Variants in POF1B observed in about 807,000 individuals in gnomAD.
POF1B encodes the protein POF1B actin binding protein.
Under a neutral mutation model 55.3 loss-of-function variants are expected in POF1B, and 53 were observed. That is an observed-to-expected ratio of 0.96 (90% CI 0.77 to 1.20). The LOEUF (loss-of-function observed/expected upper bound fraction) is 1.20, where lower values mean the gene tolerates loss of function less well. Among genes scored for constraint, POF1B ranks in the 50% most tolerant of loss-of-function variants. The pLI, the probability that POF1B is intolerant of heterozygous loss-of-function variation, is 0.00. For synonymous variants in POF1B, 188 were observed against 148.3 expected (o/e 1.27, Z -1.95); for missense variants, 478 against 420.5 (o/e 1.14, Z -1.20).
At chrX:85,350,720 A>G (rs1933365581) in intron 5 of POF1B, among the ~76,000 whole-genome samples, 1 of 111,247 alleles carries the variant, frequency 9.0e-6, no homozygotes, top group Admixed American at 9.6e-5. Context: ...TTATGCAGCC[A>G]AAAACACATG....
At position 85,302,473 on chromosome X, in the gene POF1B, G is replaced by A. The variant is rs756657924; in HGVS notation, c.1649+933C>T. Reference sequence around the variant, plus strand: ...ACGAGGATGGGGAGAAAGTGGAACCGTCATACACTACTAGGAATGTATGAT... The same window carrying A: ...ACGAGGATGGGGAGAAAGTGGAACCATCATACACTACTAGGAATGTATGAT... On this transcript the variant is annotated intron_variant, in intron 15 of 16. Transcript: ENST00000262753. 1.1e-4 allele frequency among the ~76,000 whole-genome samples: 12 copies of A among 111,224 alleles called. No individual in the cohort carries two copies. The South Asian group carries it at 1.1e-3, about 11-fold the overall frequency.
intron 6 of POF1B, among the ~76,000 whole-genome samples, chrX:85,332,159 AG>A (rs1168019086): frequency 8.9e-6 from 1 of 111,830 alleles, no homozygotes; most frequent in Non-Finnish European, 1.9e-5. Flanking sequence ...TCTAAGTGAA[AG>A]TCAGCCTGAT....
chrX:85,306,249 A>T lies in POF1B; in HGVS notation c.1249T>A (p.Tyr417Asn), dbSNP rs1313638600. ...SLRHTLSDME[Y>N]RLKELEYCKR... ...CAATATTCCAGTTCTTTTAGTCTGT[A>T]TTCCATGTCTGATAGTGTATGTCGA... Residue 417 changes from tyrosine (Y) to asparagine (N), a missense_variant, in exon 12 of 17, where the codon TAC becomes AAC. By Grantham distance (143) the Tyr-to-Asn change is moderately radical. Coordinates refer to ENST00000262753, the MANE Select transcript of POF1B (RefSeq NM_024921.4). The T allele has an allele frequency of 8.3e-7, 1 of 1,204,385 alleles. No homozygotes were observed. The highest frequency in any genetic ancestry group is 1.8e-5 in the South Asian group (1 of 56,661).
intron 9 of POF1B, among the ~76,000 whole-genome samples, chrX:85,312,744 G>A (rs772332358): frequency 1.8e-5 from 2 of 111,345 alleles, no homozygotes; most frequent in South Asian, 7.5e-4. Flanking sequence ...GGTTAGCACT[G>A]AATCTATAAA....
chrX:85,348,683 G>A (rs760230684), intron 5 of POF1B, among the ~76,000 whole-genome samples: 29 of 111,185 alleles, frequency 2.6e-4, no homozygotes, highest in Admixed American at 6.7e-4. Flanking sequence ...CCCAAACTCC[G>A]AAACTGTTTA....
chrX:85,318,390 C>A (rs759312146), intron 7 of POF1B, among the ~76,000 whole-genome samples: 5 of 111,372 alleles, frequency 4.5e-5, no homozygotes, highest in Non-Finnish European at 9.5e-5. Context: ...TCCCATTTGT[C>A]CATTTTTGTT....
rs6623255 is a variant in POF1B, at chrX:85,297,188, C to T, written c.1649+6218G>A. Among the ~76,000 whole-genome samples, 25 of 111,942 alleles carry T rather than the reference C, an allele frequency of 2.2e-4. No homozygotes were observed. In the East Asian group the frequency reaches 6.2e-3, roughly 28 times the overall value. On this transcript the variant is annotated intron_variant, in intron 15 of 16. Coordinates refer to ENST00000262753, the MANE Select transcript of POF1B (RefSeq NM_024921.4). ...TTTTACCTGTATCTTGATCAGCTTC[C>T]TTGCCATCCAGATTCTGAACTTTAT...
chrX:85,305,647 A>G, intron 13 of POF1B, 144 bp downstream of exon 13: 1 of 563,281 alleles, frequency 1.8e-6, no homozygotes, highest in Non-Finnish European at 2.7e-6. Context: ...ACAGTAATGT[A>G]TTTAAAACAA....
chrX:85,338,985 A>C (rs1317674331), intron 6 of POF1B, among the ~76,000 whole-genome samples: 1 of 109,939 alleles, frequency 9.1e-6, no homozygotes, highest in Non-Finnish European at 1.9e-5. Flanking sequence ...GTAGTAGCAA[A>C]AGTCAAGATT....
chrX:85,304,971 T>A (rs1303641257), intron 13 of POF1B, among the ~76,000 whole-genome samples: 2 of 111,129 alleles, frequency 1.8e-5, no homozygotes, highest in Non-Finnish European at 3.8e-5. Flanking sequence ...TAGCTGCAAC[T>A]CCAAAACAGG....
chrX:85,311,678 G>A (rs1428294560), intron 9 of POF1B, among the ~76,000 whole-genome samples: 2 of 112,114 alleles, frequency 1.8e-5, no homozygotes, highest in East Asian at 5.6e-4. Flanking sequence ...ATAGTAGAAT[G>A]ATTTATAATC....
chrX:85,350,375 T>G (rs1220324762), intron 5 of POF1B, among the ~76,000 whole-genome samples: 1 of 111,745 alleles, frequency 8.9e-6, no homozygotes, highest in African/African-American at 3.3e-5. Context: ...ATCATTTTTA[T>G]GGCTGCATAG....
At position 85,367,756 on chromosome X, in the gene POF1B, G is replaced by A. The variant is rs747737444; in HGVS notation, c.293C>T (p.Ser98Phe). 4 of 1,142,467 alleles carry A rather than the reference G, an allele frequency of 3.5e-6. No individual in the cohort carries two copies. The Admixed American group carries it at 8.1e-5, about 23-fold the overall frequency. The allele number at this position is 1,142,467 out of a possible 1,213,427, so 94.2% of individuals were successfully genotyped here. ...VWSDHSQELH[S>F]PTLKISTCAP... The stretch of plus-strand genomic sequence containing the variant: ...ACATGTAGATATTTTTAAAGTTGGA[G>A]AATGGAGTTCCTGTTAAGAGAAACA... Residue 98 changes from serine to phenylalanine, a missense_variant, in exon 3 of 17, where the codon TCT becomes TTT. Coordinates refer to ENST00000262753, the MANE Select transcript of POF1B (RefSeq NM_024921.4).
At chrX:85,372,595 G>A (rs894312616) in intron 2 of POF1B, among the ~76,000 whole-genome samples, 17 of 106,370 alleles carry the variant, frequency 1.6e-4, no homozygotes, top group African/African-American at 3.7e-4. Flanking sequence ...CCTAGGGGAC[G>A]GATAACATTA....
At chrX:85,285,534 A>G (rs900547798) in intron 15 of POF1B, among the ~76,000 whole-genome samples, 1 of 108,823 alleles carries the variant, frequency 9.2e-6, no homozygotes, top group Admixed American at 9.9e-5. Context: ...CATAATTCTG[A>G]GCAAACTACC....
intron 7 of POF1B, among the ~76,000 whole-genome samples, chrX:85,321,456 G>C (rs748708479): frequency 1.1e-4 from 12 of 109,384 alleles, no homozygotes; most frequent in Non-Finnish European, 2.3e-4. Context: ...AATAATAAGA[G>C]CTATCTATGA....
At chrX:85,333,192 T>C (rs962742250) in intron 6 of POF1B, among the ~76,000 whole-genome samples, 6 of 110,845 alleles carry the variant, frequency 5.4e-5, no homozygotes, top group Non-Finnish European at 1.1e-4. Context: ...TCTGCTTAAA[T>C]ACCCTCTGTC....
At chrX:85,351,285 C>T in intron 5 of POF1B, 65 bp downstream of exon 5, 2 of 735,802 alleles carry the variant, frequency 2.7e-6, no homozygotes, top group Non-Finnish European at 4.0e-6. Context: ...GTCACTTGAG[C>T]TCTATTAAAA....
At chrX:85,337,260 C>T (rs991606124) in intron 6 of POF1B, among the ~76,000 whole-genome samples, 1 of 111,295 alleles carries the variant, frequency 9.0e-6, no homozygotes, top group Non-Finnish European at 1.9e-5. Flanking sequence ...CACTGATTTC[C>T]AATGCAAAGT....
Sources: allele counts gnomAD v4.1 joint callset (sites outside exome capture counted in the v4.1 genomes callset), GRCh38; gene constraint gnomAD v4.1.1; transcripts MANE v1.5; gene names NCBI Gene and HGNC (gene_info 2026-07-23, HGNC 2026-07-21).